The following PAH variants were observed in gnomAD, a reference collection of about 807,000 sequenced individuals.
PAH encodes the protein phenylalanine-4-hydroxylase.
In PAH, 64 loss-of-function variants were observed where a neutral mutation model predicts 62.0. That is an observed-to-expected ratio of 1.03 (90% CI 0.84 to 1.27). PAH has a LOEUF of 1.27. Ranked by LOEUF, PAH falls within the 50% of genes most tolerant of loss-of-function variation. PAH has a pLI of 0.00. For missense variants in PAH, 579 were observed against 542.8 expected (o/e 1.07, Z -0.66); for synonymous variants, 195 against 196.2 (o/e 0.99, Z 0.05).
intron 5 of PAH, among the ~76,000 whole-genome samples, chr12:102,864,843 GAAGT>G (rs1300930810): frequency 6.7e-6 from 1 of 149,850 alleles, no homozygotes. Flanking sequence ...ATCAGACCCT[GAAGT>G]AAGAGACTAT....
In PAH at chr12:102,872,401, T is replaced by C. The variant is rs151109879; in HGVS notation, c.441+5061A>G. On this transcript the variant is annotated intron_variant, in intron 4 of 12. Transcript: ENST00000553106. Reference sequence around the variant, plus strand: ...GGATCTTTGACAGGTGTTCACTATATACCTGCATGACAGTTATGTTTTTAA... The same window carrying C: ...GGATCTTTGACAGGTGTTCACTATACACCTGCATGACAGTTATGTTTTTAA... Among the ~76,000 whole-genome samples, 595 of 152,314 alleles carry C rather than the reference T, an allele frequency of 3.9e-3. 9 individuals are homozygous for C. The highest frequency in any genetic ancestry group is 0.013 in the African/African-American group (531 of 41,570).
intron 6 of PAH, among the ~76,000 whole-genome samples, chr12:102,854,058 A>G (rs1722381): frequency 0.36 from 55,331 of 152,090 alleles, 10,720 homozygotes; most frequent in Non-Finnish European, 0.43. Flanking sequence ...GTAATTAGCT[A>G]AAGAAGTCTT....
At chr12:102,863,946 C>T (rs572950096) in intron 5 of PAH, among the ~76,000 whole-genome samples, 1 of 152,246 alleles carries the variant, frequency 6.6e-6, no homozygotes, top group South Asian at 2.1e-4. Flanking sequence ...TGATTCTAGA[C>T]ACAATTCCTG....
intron 3 of PAH, among the ~76,000 whole-genome samples, chr12:102,888,138 CT>C (rs898187454): frequency 2.0e-5 from 3 of 151,908 alleles, no homozygotes; most frequent in African/African-American, 7.3e-5. Flanking sequence ...TACTTGTAAC[CT>C]TTTGCATGGG....
In PAH at chr12:102,839,132, A is replaced by T. The variant is rs1180386869; in HGVS notation, c.*43T>A. On this transcript the variant is annotated 3_prime_UTR_variant, in exon 13 of 13. Transcript: ENST00000553106. Reference sequence around the variant, plus strand: ...TGATGAAAGAAATAGTTGGATCTCCATCAACAGATTCACAGCTGACAGACC... The same window carrying T: ...TGATGAAAGAAATAGTTGGATCTCCTTCAACAGATTCACAGCTGACAGACC... 6.3e-7 allele frequency: 1 copy of T among 1,580,968 alleles called. No individual in the cohort carries two copies.
exon 1 of PAH, chr12:102,958,236 C>T (rs769094740): frequency 4.6e-5 from 68 of 1,464,736 alleles, no homozygotes; most frequent in Middle Eastern, 2.2e-4. Context: ...TCCTTGGCCG[C>T]CGCTGCGCAT....
intron 1 of PAH, among the ~76,000 whole-genome samples, chr12:102,941,829 C>T (rs1404324718): frequency 1.3e-5 from 2 of 152,090 alleles, no homozygotes; most frequent in East Asian, 3.9e-4. Flanking sequence ...AAACAAAAAC[C>T]ACATGATCTT....
At chr12:102,913,723 A>T in intron 1 of PAH, 2 of 682,910 alleles carry the variant, frequency 2.9e-6, no homozygotes, top group Non-Finnish European at 5.3e-6. Flanking sequence ...AAAATCCATG[A>T]AAGTACACAA....
chr12:102,842,529 G>A (rs541575095), intron 11 of PAH, among the ~76,000 whole-genome samples: 3 of 152,246 alleles, frequency 2.0e-5, no homozygotes, highest in African/African-American at 7.2e-5. Context: ...AGCTGGACCT[G>A]TCTTGTCCCA....
At chr12:102,936,789 T>C (rs552816345) in intron 1 of PAH, among the ~76,000 whole-genome samples, 2 of 152,218 alleles carry the variant, frequency 1.3e-5, no homozygotes, top group Non-Finnish European at 2.9e-5. Context: ...AGTGTGTTTC[T>C]TGTAGGCAAC....
chr12:102,866,960 A>G (rs1483835119), intron 4 of PAH, among the ~76,000 whole-genome samples: 1 of 152,228 alleles, frequency 6.6e-6, no homozygotes, highest in Non-Finnish European at 1.5e-5. Context: ...TTGCTAAACT[A>G]AGCAAAGTTC....
rs199475614 is a variant in PAH, at chr12:102,844,409, A to C, written c.992T>G (p.Phe331Cys). 3 of 1,613,416 alleles carry C rather than the reference A, an allele frequency of 1.9e-6. No individual in the cohort carries two copies. The highest frequency in any genetic ancestry group is 2.5e-6 in the Non-Finnish European group (3 of 1,179,446). ...GGAGTCTCCTTGTTTGCAGAGCCCAAACTCCACAGTAAACCAGTAAATCTG... is the reference window on the plus strand; with the variant it reads ...GGAGTCTCCTTGTTTGCAGAGCCCACACTCCACAGTAAACCAGTAAATCTG... ...LATIYWFTVE[F>C]GLCKQGDSIK... The change falls in exon 10 of 13, where the codon TTT becomes TGT. Residue 331 changes from phenylalanine (F) to cysteine (C), a missense_variant. Transcript: ENST00000553106.
At chr12:102,904,139 T>C (rs1877877904) in intron 2 of PAH, among the ~76,000 whole-genome samples, 1 of 152,198 alleles carries the variant, frequency 6.6e-6, no homozygotes, top group Non-Finnish European at 1.5e-5. Context: ...CACTAGAACT[T>C]CTACTTCTTA....
At chr12:102,915,640 T>C (rs1878353409) in intron 1 of PAH, among the ~76,000 whole-genome samples, 1 of 152,216 alleles carries the variant, frequency 6.6e-6, no homozygotes, top group African/African-American at 2.4e-5. Flanking sequence ...TCAGTGTTTC[T>C]CAATGAGTGT....
At chr12:102,900,260 A>G (rs1423828207) in intron 2 of PAH, among the ~76,000 whole-genome samples, 1 of 152,042 alleles carries the variant, frequency 6.6e-6, no homozygotes, top group Non-Finnish European at 1.5e-5. Flanking sequence ...CGTGTTAACC[A>G]GGATGGTCTT....
chr12:102,953,932 C>A (rs1403585795), upstream of PAH: 1 of 152,252 alleles, frequency 6.6e-6, no homozygotes, highest in Non-Finnish European at 1.5e-5. Context: ...TCATAACACC[C>A]TTGACATACA....
chr12:102,925,214 C>A (rs1229118074), intron 1 of PAH, among the ~76,000 whole-genome samples: 1 of 152,140 alleles, frequency 6.6e-6, no homozygotes, highest in Non-Finnish European at 1.5e-5. Flanking sequence ...AGGAGGCACA[C>A]CCTTCTCCTT....
intron 1 of PAH, among the ~76,000 whole-genome samples, chr12:102,956,453 C>T (rs1368849472): frequency 6.6e-6 from 1 of 152,156 alleles, no homozygotes; most frequent in Non-Finnish European, 1.5e-5. Context: ...CCCTCCCTCT[C>T]GGCGCCAGCA....
intron 4 of PAH, among the ~76,000 whole-genome samples, chr12:102,874,636 G>A (rs1565858174): frequency 6.6e-6 from 1 of 152,132 alleles, no homozygotes. Context: ...AATATCATTA[G>A]TTAACTAAAA....
Sources: gnomAD v4.1 joint callset for allele counts (sites outside exome capture counted in the v4.1 genomes callset) on GRCh38, gnomAD v4.1.1 for gene constraint, MANE v1.5 for transcripts, NCBI Gene and HGNC (gene_info 2026-07-23, HGNC 2026-07-21) for gene names.